The following TULP4 variants were observed in gnomAD, a reference collection of about 807,000 sequenced individuals.
TULP4 encodes the protein TUB like protein 4, also known as tubby-related protein 4.
TULP4 carries 16 observed loss-of-function variants against 129.0 expected under a neutral mutation model. The observed-to-expected ratio is 0.12, with a 90% confidence interval of 0.08 to 0.19. The LOEUF (loss-of-function observed/expected upper bound fraction) is 0.19, where lower values mean the gene tolerates loss of function less well. Among genes scored for constraint, TULP4 ranks in the 10% least tolerant of loss-of-function variants. The pLI is 1.00. For missense variants in TULP4, 1,842 were observed against 2,059.1 expected (o/e 0.89, Z 2.04); for synonymous variants, 998 against 854.0 (o/e 1.17, Z -2.94).
intron 13 of TULP4, among the ~76,000 whole-genome samples, chr6:158,504,731 A>G (rs1281149128): frequency 6.6e-6 from 1 of 151,916 alleles, no homozygotes; most frequent in South Asian, 2.1e-4. Context: ...GTTCCAAGCA[A>G]TCCTCCTGCC....
intron 8 of TULP4, among the ~76,000 whole-genome samples, chr6:158,484,220 C>G (rs951497529): frequency 6.6e-6 from 1 of 151,698 alleles, no homozygotes; most frequent in African/African-American, 2.4e-5. Context: ...CCACCATGCC[C>G]AGCTGCTTCC....
At chr6:158,386,264 T>G (rs1777446598) in intron 1 of TULP4, among the ~76,000 whole-genome samples, 1 of 152,196 alleles carries the variant, frequency 6.6e-6, no homozygotes, top group Non-Finnish European at 1.5e-5. Flanking sequence ...ATTATATGTT[T>G]TATTACAAAT....
chr6:158,501,953 G>A lies in TULP4; in HGVS notation c.2290G>A (p.Gly764Ser), dbSNP rs1461923423. 1.2e-6 allele frequency: 2 copies of A among 1,613,978 alleles called. No individual in the cohort carries two copies. Among genetic ancestry groups the A allele is most frequent in the South Asian group, 1.1e-5 (1 of 91,082 alleles). The change falls in exon 13 of 14, where the codon GGC becomes AGC. Residue 764 changes from glycine to serine, a missense_variant. By Grantham distance (56) the Gly-to-Ser change is moderately conservative. Around this residue, in one of 5 missense-constraint regions of TULP4, gnomAD observed 1,089 missense variants for 987.1 expected, o/e 1.10. Transcript: ENST00000367097. Reference protein sequence around the residue: ...GQVIFGSVEMGRIIQNPPPLS... With the variant: ...GQVIFGSVEMSRIIQNPPPLS... Reference sequence around the variant, plus strand: ...GGTGATTTTCGGAAGCGTGGAAATGGGCCGCATCATTCAGAACCCCCCTCC... The same window carrying A: ...GGTGATTTTCGGAAGCGTGGAAATGAGCCGCATCATTCAGAACCCCCCTCC...
upstream of TULP4, among the ~76,000 whole-genome samples, chr6:158,310,674 C>T (rs1285064457): frequency 6.6e-6 from 1 of 152,034 alleles, no homozygotes; most frequent in African/African-American, 2.4e-5. Context: ...CCACCTCTAA[C>T]ACTGGGGGTT....
intron 1 of TULP4, among the ~76,000 whole-genome samples, chr6:158,386,784 C>CTATCTA (rs71030164): frequency 0.72 from 108,781 of 151,250 alleles, 39,467 homozygotes; most frequent in Middle Eastern, 0.76. Context: ...TCTGTTTTCT[C>CTATCTA]TATTTGTAAA....
At chr6:158,264,194 G>A (rs547431870) in intron 1 of TULP4, among the ~76,000 whole-genome samples, 2 of 152,308 alleles carry the variant, frequency 1.3e-5, no homozygotes, top group South Asian at 2.1e-4. Flanking sequence ...GAGGAAGTGC[G>A]GCCTTAACAG....
intron 6 of TULP4, among the ~76,000 whole-genome samples, chr6:158,466,504 G>A (rs1206625477): frequency 6.6e-6 from 1 of 152,178 alleles, no homozygotes; most frequent in Admixed American, 6.6e-5. Context: ...TTTGAGAAAT[G>A]TGTGTTCAAG....
chr6:158,287,976 C>T (rs1198918607), intron 1 of TULP4, among the ~76,000 whole-genome samples: 8 of 152,052 alleles, frequency 5.3e-5, no homozygotes, highest in Admixed American at 6.6e-5. Context: ...ACTGGCAAAA[C>T]GGGTGAATAT....
intron 4 of TULP4, among the ~76,000 whole-genome samples, chr6:158,450,711 A>C (rs1779145282): frequency 6.6e-6 from 1 of 151,508 alleles, no homozygotes; most frequent in African/African-American, 2.4e-5. Context: ...ACTCCTCTTT[A>C]GTGGGTCAAA....
chr6:158,477,109 A>T (rs952766922), intron 6 of TULP4, among the ~76,000 whole-genome samples: 8 of 152,184 alleles, frequency 5.3e-5, no homozygotes, highest in African/African-American at 1.9e-4. Context: ...TGTTTTTGTC[A>T]GGATGGGTGG....
intron 1 of TULP4, among the ~76,000 whole-genome samples, chr6:158,356,587 GTTAGGTGGTTGGGGC>G (rs1298772688): frequency 3.9e-5 from 6 of 152,172 alleles, no homozygotes; most frequent in Non-Finnish European, 2.9e-5. Flanking sequence ...AAAATGGGCA[GTTAGGTGGTTGGGGC>G]TTAGGTGGTT....
rs1187703972 is a variant in TULP4, at chr6:158,255,385, C to G, written n.68+23082C>G. Among the ~76,000 whole-genome samples the G allele has an allele frequency of 2.6e-5, 4 of 152,076 alleles. No homozygotes were observed. The East Asian group carries it at 7.7e-4, about 29-fold the overall frequency. On this transcript the variant is annotated intron_variant and non_coding_transcript_variant, in intron 1 of 1. Coordinates refer to the TULP4 transcript ENST00000620026. ...TGACTCTGGGGAAGGTGATCTTATC[C>G]CTAGCACTGGGGTAAATCCTGACTG... is the stretch of plus-strand genomic sequence containing the variant.
At chr6:158,385,213 T>G (rs1012456905) in intron 1 of TULP4, among the ~76,000 whole-genome samples, 1 of 152,212 alleles carries the variant, frequency 6.6e-6, no homozygotes, top group Non-Finnish European at 1.5e-5. Context: ...ACCATCTTGA[T>G]AAAAATATCA....
Position 158,493,453 on chromosome 6 carries a change from G to A in TULP4, c.1632-120G>A. 2 of 1,089,604 alleles carry A rather than the reference G, an allele frequency of 1.8e-6. No homozygotes were observed. The highest frequency in any genetic ancestry group is 3.1e-5 in the Admixed American group (1 of 32,472). 67.5% of individuals were successfully genotyped at this position (1,089,604 alleles called of 1,614,324 possible). ...GCTTTGTTAAATTCGGGCACTGGCT[G>A]CAGGGTGAGAACCCAACACCCAGGC... On this transcript the variant is annotated intron_variant, in intron 9 of 13. Transcript: ENST00000367097. The surrounding 1 kb of genome is among the most constrained non-coding windows in gnomAD (Gnocchi z 4.4).
At chr6:158,394,852 G>C (rs945444806) in intron 1 of TULP4, among the ~76,000 whole-genome samples, 4 of 138,976 alleles carry the variant, frequency 2.9e-5, no homozygotes, top group Middle Eastern at 3.9e-3. Flanking sequence ...GAAGAAAAGA[G>C]ATTTAATTGC....
chr6:158,258,743 A>G (rs1275357185), intron 1 of TULP4, among the ~76,000 whole-genome samples: 1 of 152,244 alleles, frequency 6.6e-6, no homozygotes, highest in Admixed American at 6.5e-5. Context: ...ATCCTTCAAG[A>G]TTGAAAATTT....
chr6:158,312,684 C>G lies in TULP4; in HGVS notation c.-1333C>G, dbSNP rs916604572. The G allele has an allele frequency of 1.3e-5, 2 of 151,676 alleles. No homozygotes were observed. The highest frequency in any genetic ancestry group is 6.6e-5 in the Admixed American group (1 of 15,210). 9.4% of individuals were successfully genotyped at this position (151,676 alleles called of 1,614,324 possible). A position where few individuals can be genotyped will look rare whatever the true frequency, so the allele number is the denominator to read the frequency against. On this transcript the variant is annotated 5_prime_UTR_variant, in exon 1 of 14. Transcript: ENST00000367097. ...AGAAATTTTAATTTATTATTCCCCC[C>G]CTTTTTTCCTGCATCTATAGGATAA...
At chr6:158,350,445 C>G (rs946469941) in intron 1 of TULP4, among the ~76,000 whole-genome samples, 1 of 152,214 alleles carries the variant, frequency 6.6e-6, no homozygotes, top group African/African-American at 2.4e-5. Flanking sequence ...ACATTGAGCA[C>G]TGAGTGAGTG....
intron 1 of TULP4, among the ~76,000 whole-genome samples, chr6:158,251,079 T>G (rs1431470084): frequency 6.6e-6 from 1 of 152,202 alleles, no homozygotes. Context: ...CTGGGCGCAT[T>G]CACAAATTAG....
Sources: gnomAD v4.1 joint callset for allele counts (sites outside exome capture counted in the v4.1 genomes callset) on GRCh38, gnomAD v4.1.1 for gene constraint, gnomAD v4.1.1 regional missense constraint, Gnocchi (gnomAD v3.1) non-coding constraint, MANE v1.5 for transcripts, NCBI Gene and HGNC (gene_info 2026-07-23, HGNC 2026-07-21) for gene names.